Variants in MID1 observed in about 807,000 individuals in gnomAD.
MID1 encodes midline 1.
A neutral mutation model predicts 40.4 loss-of-function variants in MID1; 7 were observed. The observed-to-expected ratio is 0.17, with a 90% CI of 0.10 to 0.33. The LOEUF (loss-of-function observed/expected upper bound fraction) is 0.33, where lower values mean the gene tolerates loss of function less well. Ranked by LOEUF, MID1 falls within the 10% of genes least tolerant of loss-of-function variation. The pLI is 1.00. For missense variants in MID1, 367 were observed against 558.5 expected (o/e 0.66, Z 3.46); for synonymous variants, 229 against 221.2 (o/e 1.04, Z -0.31).
intron 1 of MID1, among the ~76,000 whole-genome samples, chrX:10,786,438 T>C (rs1193428849): frequency 9.0e-6 from 1 of 111,174 alleles, no homozygotes; most frequent in Non-Finnish European, 1.9e-5. Flanking sequence ...CAACTAGAAA[T>C]ACCATTTGAC....
At chrX:10,656,566 G>A (rs1451524204) in intron 1 of MID1, among the ~76,000 whole-genome samples, 1 of 111,611 alleles carries the variant, frequency 9.0e-6, no homozygotes, top group African/African-American at 3.3e-5. Flanking sequence ...CCTGCCAAAT[G>A]CCAACAGTCA....
chrX:10,651,525 T>A (rs1014422581), intron 1 of MID1, among the ~76,000 whole-genome samples: 1 of 112,618 alleles, frequency 8.9e-6, no homozygotes, highest in Non-Finnish European at 1.9e-5. Context: ...CCCACAGATA[T>A]TTGAAGACAG....
intron 5 of MID1, among the ~76,000 whole-genome samples, chrX:10,479,333 T>C (rs761473484): frequency 8.9e-6 from 1 of 112,066 alleles, no homozygotes; most frequent in South Asian, 3.8e-4. Context: ...ATTTATCCTT[T>C]GGGTTACAAA....
At chrX:10,640,572 G>A (rs766215777) in intron 1 of MID1, among the ~76,000 whole-genome samples, 18 of 111,069 alleles carry the variant, frequency 1.6e-4, no homozygotes, top group East Asian at 1.1e-3. Context: ...AATGGGAGAC[G>A]TTAACACCCC....
intron 1 of MID1, among the ~76,000 whole-genome samples, chrX:10,802,722 A>G (rs1057410982): frequency 8.9e-6 from 1 of 112,137 alleles, no homozygotes; most frequent in Admixed American, 9.5e-5. Flanking sequence ...AGACACGTGG[A>G]TATGTATGTT....
intron 1 of MID1, among the ~76,000 whole-genome samples, chrX:10,736,258 A>C (rs145450008): frequency 0.039 from 4,338 of 111,616 alleles, 226 homozygotes; most frequent in African/African-American, 0.13. Context: ...GGATTACAGG[A>C]GTGAGTAAAA....
chrX:10,473,749 G>A (rs1929847079), intron 6 of MID1, among the ~76,000 whole-genome samples: 1 of 112,296 alleles, frequency 8.9e-6, no homozygotes, highest in African/African-American at 3.2e-5. Flanking sequence ...TCCTGAAGTC[G>A]CAGGCACTGG....
intron 1 of MID1, among the ~76,000 whole-genome samples, chrX:10,746,567 T>G (rs1325056445): frequency 9.0e-6 from 1 of 111,667 alleles, no homozygotes; most frequent in East Asian, 2.8e-4. Context: ...TCTGTCAAAT[T>G]GCAGCCTTCC....
intron 1 of MID1, among the ~76,000 whole-genome samples, chrX:10,636,416 C>A (rs373409246): frequency 4.5e-5 from 5 of 110,762 alleles, no homozygotes; most frequent in African/African-American, 1.6e-4. Context: ...TCATCTTCTC[C>A]AAACAGCAGA....
chrX:10,790,666 A>T (rs763793590), intron 1 of MID1, among the ~76,000 whole-genome samples: 22 of 111,252 alleles, frequency 2.0e-4, no homozygotes, highest in African/African-American at 7.2e-4. Context: ...TCTCTGGGCA[A>T]GTCAGCATCT....
intron 1 of MID1, among the ~76,000 whole-genome samples, chrX:10,636,338 A>C (rs754220350): frequency 1.8e-5 from 2 of 111,870 alleles, no homozygotes; most frequent in Non-Finnish European, 3.8e-5. Flanking sequence ...TTAAAAATAG[A>C]GAGGAGGGCA....
intron 1 of MID1, among the ~76,000 whole-genome samples, chrX:10,756,974 C>T (rs2043636554): frequency 8.9e-6 from 1 of 111,753 alleles, no homozygotes; most frequent in South Asian, 3.8e-4. Flanking sequence ...TTAAAATCAC[C>T]TCTATGACAT....
intron 1 of MID1, among the ~76,000 whole-genome samples, chrX:10,737,067 C>T (rs1006150649): frequency 2.7e-5 from 3 of 111,872 alleles, no homozygotes; most frequent in Admixed American, 9.4e-5. Flanking sequence ...CAAATACATA[C>T]GCACATTCTT....
At chrX:10,602,729 A>G (rs1602460290) in intron 1 of MID1, among the ~76,000 whole-genome samples, 1 of 112,714 alleles carries the variant, frequency 8.9e-6, no homozygotes, top group East Asian at 2.8e-4. Flanking sequence ...AAACGCTGAA[A>G]AAAGCCCACA....
chrX:10,801,647 T>C (rs2044008569), intron 1 of MID1, among the ~76,000 whole-genome samples: 1 of 111,983 alleles, frequency 8.9e-6, no homozygotes, highest in East Asian at 2.8e-4. Context: ...GCTAGCCATA[T>C]GCAAAAGAAT....
intron 2 of MID1, among the ~76,000 whole-genome samples, chrX:10,554,082 A>G (rs776367470): frequency 8.9e-6 from 1 of 111,794 alleles, no homozygotes; most frequent in Admixed American, 9.5e-5. Context: ...CATGTTCTGC[A>G]TTGTTAAAGA....
intron 1 of MID1, among the ~76,000 whole-genome samples, chrX:10,722,725 C>A (rs1249306504): frequency 8.9e-6 from 1 of 111,927 alleles, no homozygotes; most frequent in Non-Finnish European, 1.9e-5. Context: ...GAAACCCAAG[C>A]CAAATCATGT....
At chrX:10,675,137 C>T (rs1862505739) in intron 1 of MID1, among the ~76,000 whole-genome samples, 1 of 112,172 alleles carries the variant, frequency 8.9e-6, no homozygotes, top group African/African-American at 3.2e-5. Context: ...GTAACAGTTG[C>T]AGACTTGAAT....
In MID1 at chrX:10,586,192, T is replaced by C. The variant is rs72612835; in HGVS notation, c.-56-18589A>G. Among the ~76,000 whole-genome samples, 205 of 111,924 alleles carry C rather than the reference T, an allele frequency of 1.8e-3. 4 individuals are homozygous for C. The East Asian group carries it at 0.048, about 26-fold the overall frequency. ...GTAGCAACCTTTTGTCCCACTTCAG[T>C]GACTTGATGTATATACTGGGAACAG... On this transcript the variant is annotated intron_variant, in intron 1 of 9. Transcript: ENST00000317552.
Sources: allele counts gnomAD v4.1 joint callset (sites outside exome capture counted in the v4.1 genomes callset), GRCh38; gene constraint gnomAD v4.1.1; transcripts MANE v1.5; gene names NCBI Gene and HGNC (gene_info 2026-07-23, HGNC 2026-07-21).